DRC7: variants seen among roughly 807,000 people sequenced by gnomAD.
DRC7 encodes the protein coiled-coil domain containing 135.
DRC7 carries 80 observed loss-of-function variants against 104.4 expected under a neutral mutation model. The ratio of observed to expected loss-of-function variants is 0.77; its 90% confidence interval spans 0.64 to 0.92. DRC7 has a LOEUF of 0.92. DRC7 is among the 40% of genes least tolerant of loss of function. The pLI, the probability that DRC7 is intolerant of heterozygous loss-of-function variation, is 0.00. For missense variants in DRC7, 1,034 were observed against 1,141.1 expected, an observed-to-expected ratio of 0.91 and a Z score of 1.35; for synonymous variants, 405 against 447.3, an observed-to-expected ratio of 0.91 and a Z score of 1.19.
intron 7 of DRC7, 119 bp from the exon 8 acceptor site, chr16:57,707,341 G>T: frequency 1.2e-6 from 1 of 839,050 alleles, no homozygotes; most frequent in East Asian, 2.7e-5. Context: ...CCGGTTGATG[G>T]TGCAGTCTAC....
At chr16:57,695,493 C>T (rs762931188) in intron 1 of DRC7, among the ~76,000 whole-genome samples, 1 of 152,208 alleles carries the variant, frequency 6.6e-6, no homozygotes, top group Non-Finnish European at 1.5e-5. Context: ...AGGTCTGACA[C>T]ACAGTAGGCA....
chr16:57,726,052 T>C lies in DRC7; in HGVS notation c.1759-16T>C. 1.2e-6 allele frequency: 2 copies of C among 1,608,990 alleles called. No homozygotes were observed. The highest frequency in any genetic ancestry group is 2.2e-5 in the East Asian group (1 of 44,774). ...GCTCATCCTTTGCTCATCCTTTGCA[T>C]GTTCTGGCCTCCCAGAAAATCACAG... On this transcript the variant is annotated splice_polypyrimidine_tract_variant and intron_variant, in intron 13 of 18. Coordinates refer to ENST00000360716, the MANE Select transcript of DRC7 (RefSeq NM_001289162.2).
chr16:57,727,879 T>C (rs1275776831), intron 16 of DRC7, among the ~76,000 whole-genome samples: 1 of 152,056 alleles, frequency 6.6e-6, no homozygotes, highest in East Asian at 1.9e-4. Context: ...AGTTTGGGGG[T>C]CGTGAGGCAG....
At chr16:57,712,492 A>C (rs2048799583) in intron 8 of DRC7, among the ~76,000 whole-genome samples, 1 of 152,088 alleles carries the variant, frequency 6.6e-6, no homozygotes. Context: ...GTCCCACCTT[A>C]TTGTCAATAA....
chr16:57,708,203 CACTGA>C lies in DRC7; in HGVS notation c.1077+528_1077+532del, dbSNP rs569249773. On this transcript the variant is annotated intron_variant, in intron 8 of 18. Transcript: ENST00000360716. The stretch of plus-strand genomic sequence containing the variant: ...GTGTACATACCATTGAATTATCACA[CACTGA>C]ACACACCTGTGTAGCCAGGACCATT... Among the ~76,000 whole-genome samples, 32 of 152,224 alleles carry C rather than the reference CACTGA, an allele frequency of 2.1e-4. 1 individual carries two copies. The highest frequency in any genetic ancestry group is 3.5e-4 in the Non-Finnish European group (24 of 68,046).
intron 7 of DRC7, among the ~76,000 whole-genome samples, chr16:57,705,410 A>AATCC (rs1280801620): frequency 2.8e-5 from 3 of 108,040 alleles, no homozygotes; most frequent in Non-Finnish European, 5.9e-5. Flanking sequence ...CCCATTCGCC[A>AATCC]ATCCATCCAT....
At chr16:57,713,871 A>G (rs2048814368) in intron 8 of DRC7, 2 of 155,496 alleles carry the variant, frequency 1.3e-5, no homozygotes, top group Non-Finnish European at 1.4e-5. Context: ...TCTTCCTGCA[A>G]CAACAGGTCA....
intron 6 of DRC7, 79 bp downstream of exon 6, chr16:57,702,209 C>T: frequency 6.8e-7 from 1 of 1,469,374 alleles, no homozygotes. Context: ...TAGAGACGTC[C>T]ATCACTGCCG....
chr16:57,726,871 T>A lies in DRC7; in HGVS notation c.2014T>A (p.Tyr672Asn). The A allele has an allele frequency of 6.2e-7, 1 of 1,613,118 alleles. No homozygotes were observed. Among genetic ancestry groups the A allele is most frequent in the Non-Finnish European group, 8.5e-7 (1 of 1,179,744 alleles). ...MEHTKKLLYQ[Y>N]EAMMHLKREE... ...GCACACCAAGAAGCTGCTCTACCAG[T>A]ACGAGGCCATGATGCACCTGAAGAG... Residue 672 changes from tyrosine to asparagine, a missense_variant, in exon 15 of 19, where the codon TAC (tyrosine) becomes AAC (asparagine). Coordinates refer to ENST00000360716, the MANE Select transcript of DRC7 (RefSeq NM_001289162.2).
intron 16 of DRC7, 150 bp downstream of exon 16, chr16:57,727,559 C>T: frequency 1.6e-6 from 1 of 617,840 alleles, no homozygotes; most frequent in South Asian, 1.9e-5. Context: ...CTGAACTGAC[C>T]ATTTCTATGG....
In DRC7 at chr16:57,731,185, T is replaced by C. The variant is rs751018314; in HGVS notation, c.2552T>C (p.Leu851Pro). The C allele has an allele frequency of 1.9e-6, 3 of 1,613,854 alleles. No individual in the cohort carries two copies. The highest frequency in any genetic ancestry group is 2.2e-5 in the South Asian group (2 of 91,090). The stretch of plus-strand genomic sequence containing the variant: ...TTCAGACACAAGGAACTGGCCCCAC[T>C]GAAGTACCTGGCTCTGGAGGAAAAG... ...RLNRHKELAPLKYLALEEKLY... is the reference protein window; with the variant it reads ...RLNRHKELAPPKYLALEEKLY... Residue 851 changes from leucine to proline, a missense_variant, in exon 19 of 19, where the codon CTG (leucine) becomes CCG (proline). Physicochemically the swap from Leu to Pro is moderately conservative, Grantham distance 98. Coordinates refer to ENST00000360716, the MANE Select transcript of DRC7 (RefSeq NM_001289162.2).
chr16:57,730,106 T>C (rs1440731742), intron 17 of DRC7, among the ~76,000 whole-genome samples: 1 of 99,742 alleles, frequency 1.0e-5, no homozygotes, highest in Non-Finnish European at 2.0e-5. Flanking sequence ...GATGAGTGAG[T>C]GAGCGGGTGG....
chr16:57,713,416 A>G (rs2048808692), intron 8 of DRC7, among the ~76,000 whole-genome samples: 1 of 152,166 alleles, frequency 6.6e-6, no homozygotes, highest in Non-Finnish European at 1.5e-5. Context: ...AAGCCCTGCT[A>G]TTAGATGAGT....
chr16:57,725,621 T>G (rs947001417), intron 13 of DRC7: 8 of 162,784 alleles, frequency 4.9e-5, no homozygotes, highest in Non-Finnish European at 1.1e-4. Flanking sequence ...TTTTTTCTAA[T>G]GTAATTGAGA....
rs2049056248 is a variant in DRC7, at chr16:57,731,008, G to A, written c.2469G>A (p.Leu823=). Residue 823 remains leucine (L), a synonymous_variant, in exon 18 of 19, where the codon CTG becomes CTA. Coordinates refer to ENST00000360716, the MANE Select transcript of DRC7 (RefSeq NM_001289162.2). ...CGCTGACACCCGAGGATGAAGACCT[G>A]TACCTGAGTTACTGCTCTCAGGCCA... ...QVTLTPEDED[L]YLSYCSQAMF... 1 of 1,613,542 alleles carries A rather than the reference G, an allele frequency of 6.2e-7. No homozygotes were observed. The highest frequency in any genetic ancestry group is 1.1e-5 in the South Asian group (1 of 91,092).
intron 13 of DRC7, 58 bp downstream of exon 13, chr16:57,724,893 C>A: frequency 7.2e-7 from 1 of 1,383,648 alleles, no homozygotes; most frequent in Non-Finnish European, 1.0e-6. Context: ...GCTGATGTCA[C>A]CTCTGAATGG....
At chr16:57,705,119 G>A (rs2048698542) in intron 7 of DRC7, 85 bp downstream of exon 7, 1 of 1,458,538 alleles carries the variant, frequency 6.9e-7, no homozygotes, top group South Asian at 1.4e-5. Context: ...GTCATGGAGG[G>A]GATGTGTGTA....
chr16:57,719,755 G>A (rs1202014674), intron 9 of DRC7, among the ~76,000 whole-genome samples: 1 of 152,098 alleles, frequency 6.6e-6, no homozygotes, highest in African/African-American at 2.4e-5. Context: ...AGATCCCCTT[G>A]CCTTGGCCTC....
chr16:57,730,104 A>G (rs1437572568), intron 17 of DRC7, among the ~76,000 whole-genome samples: 15 of 58,232 alleles, frequency 2.6e-4, no homozygotes, highest in Admixed American at 6.9e-4. Context: ...TGGATGAGTG[A>G]GTGAGCGGGT....
Sources: allele counts gnomAD v4.1 joint callset (sites outside exome capture counted in the v4.1 genomes callset), GRCh38; gene constraint gnomAD v4.1.1; transcripts MANE v1.5; gene names NCBI Gene and HGNC (gene_info 2026-07-23, HGNC 2026-07-21).